ANO6: variants seen among roughly 807,000 people sequenced by gnomAD.
ANO6 encodes anoctamin 6.
In ANO6, 106 loss-of-function variants were observed where a neutral mutation model predicts 117.5. That is an observed-to-expected ratio of 0.90 (90% CI 0.77 to 1.06). The LOEUF (loss-of-function observed/expected upper bound fraction) is 1.06, where lower values mean the gene tolerates loss of function less well. Among genes scored for constraint, ANO6 ranks in the 50% least tolerant of loss-of-function variants. The probability of loss-of-function intolerance (pLI) is 0.00; values close to 1 mark genes in which losing one functional copy is unlikely to be tolerated. For synonymous variants in ANO6, 367 were observed against 385.1 expected (o/e 0.95, Z 0.55); for missense variants, 955 against 1,121.1 (o/e 0.85, Z 2.12).
intron 9 of ANO6, among the ~76,000 whole-genome samples, chr12:45,372,299 C>G (rs1269784175): frequency 4.4e-5 from 6 of 135,082 alleles, no homozygotes; most frequent in African/African-American, 1.1e-4. Flanking sequence ...AGGATATTAT[C>G]CAGGAGAACT....
downstream of ANO6, among the ~76,000 whole-genome samples, chr12:45,432,974 C>T (rs1425100112): frequency 6.6e-6 from 1 of 152,174 alleles, no homozygotes; most frequent in Non-Finnish European, 1.5e-5. Context: ...GTAGGTTATA[C>T]TAACAAAGTC....
intron 2 of ANO6, among the ~76,000 whole-genome samples, chr12:45,319,155 G>A (rs182154664): frequency 2.6e-5 from 4 of 152,232 alleles, no homozygotes; most frequent in Admixed American, 1.3e-4. Context: ...ACACTATGTC[G>A]AATAGGAGTG....
At chr12:45,404,248 GAAC>G (rs1393825098) in intron 15 of ANO6, among the ~76,000 whole-genome samples, 1 of 152,080 alleles carries the variant, frequency 6.6e-6, no homozygotes, top group Non-Finnish European at 1.5e-5. Context: ...TAAAAAATGA[GAAC>G]AACAGAATAG....
At chr12:45,397,579 C>A in intron 12 of ANO6, among the ~76,000 whole-genome samples, 1 of 152,156 alleles carries the variant, frequency 6.6e-6, no homozygotes, top group Non-Finnish European at 1.5e-5. Flanking sequence ...AGACTTGGAA[C>A]CAACCCAAAT....
intron 3 of ANO6, among the ~76,000 whole-genome samples, chr12:45,331,823 G>A (rs555792056): frequency 3.3e-5 from 5 of 152,152 alleles, no homozygotes; most frequent in East Asian, 3.9e-4. Context: ...ATTTGCATAC[G>A]TGTTCTCCTT....
At chr12:45,274,904 C>T (rs1433947973) in intron 1 of ANO6, among the ~76,000 whole-genome samples, 1 of 149,998 alleles carries the variant, frequency 6.7e-6, no homozygotes, top group Non-Finnish European at 1.5e-5. Context: ...TCAGAGCTGT[C>T]ACCCCTGACT....
At chr12:45,340,839 G>A (rs1208603533) in intron 3 of ANO6, among the ~76,000 whole-genome samples, 1 of 152,118 alleles carries the variant, frequency 6.6e-6, no homozygotes, top group African/African-American at 2.4e-5. Flanking sequence ...AGAGACTTAA[G>A]CAATCTTTTC....
intron 12 of ANO6, among the ~76,000 whole-genome samples, chr12:45,399,988 G>T (rs942591600): frequency 6.6e-6 from 1 of 152,230 alleles, no homozygotes; most frequent in Non-Finnish European, 1.5e-5. Context: ...TAACAAGTTT[G>T]TAAAAGCTCT....
chr12:45,382,741 A>G (rs1942200078), intron 10 of ANO6, among the ~76,000 whole-genome samples: 1 of 152,208 alleles, frequency 6.6e-6, no homozygotes, highest in Non-Finnish European at 1.5e-5. Context: ...TAGTCTAGTG[A>G]GTGTGCATAG....
intron 1 of ANO6, among the ~76,000 whole-genome samples, chr12:45,230,590 C>T (rs758133817): frequency 2.0e-4 from 31 of 151,690 alleles, no homozygotes; most frequent in Admixed American, 3.9e-4. Context: ...CCAGTAGATG[C>T]ATTTCACAAC....
At chr12:45,319,749 G>T (rs1039639200) in intron 2 of ANO6, among the ~76,000 whole-genome samples, 1 of 152,222 alleles carries the variant, frequency 6.6e-6, no homozygotes, top group African/African-American at 2.4e-5. Flanking sequence ...TCTGGTCCTG[G>T]ACTCTTTTTG....
chr12:45,366,356 T>C (rs942697866), intron 8 of ANO6, among the ~76,000 whole-genome samples: 19 of 151,996 alleles, frequency 1.3e-4, no homozygotes, highest in African/African-American at 4.3e-4. Context: ...TTATCTACAT[T>C]TTTTTTTCTA....
chr12:45,430,564 TTATTCA>T lies in ANO6; in HGVS notation c.*1256_*1261del, dbSNP rs1943607881. 1 of 985,312 alleles carries T rather than the reference TTATTCA, an allele frequency of 1.0e-6. No individual in the cohort carries two copies. Among genetic ancestry groups the T allele is most frequent in the East Asian group, 1.1e-4 (1 of 8,834 alleles). 61.0% of individuals were successfully genotyped at this position (985,312 alleles called of 1,614,324 possible). A position where few individuals can be genotyped will look rare whatever the true frequency, so the allele number is the denominator to read the frequency against. On this transcript the variant is annotated 3_prime_UTR_variant, in exon 20 of 20. Coordinates refer to ENST00000320560, the MANE Select transcript of ANO6 (RefSeq NM_001025356.3). ...TACTAGAGACAGGAGTATACCCAGC[TTATTCA>T]TAATCAAGTAAAGAGACTCAGATTA... is the stretch of plus-strand genomic sequence containing the variant.
In ANO6 at chr12:45,255,818, G is replaced by GTTTTTTTTTTTTTTTTTTTTTTTTT. The variant is rs551517877; in HGVS notation, c.70+39447_70+39448insTTTTTTTTTTTTTTTTTTTTTTTTT. Reference sequence around the variant, plus strand: ...CTGGCCCCAGGTTTTCTCCCTGGGTGTTTTTTTTTTTTTTTTTTTTGAGAC... The same window carrying GTTTTTTTTTTTTTTTTTTTTTTTTT: ...CTGGCCCCAGGTTTTCTCCCTGGGTGTTTTTTTTTTTTTTTTTTTTTTTTTTTTTTTTTTTTTTTTTTTTTGAGAC... On this transcript the variant is annotated intron_variant, in intron 1 of 19. Coordinates refer to ENST00000320560, the MANE Select transcript of ANO6 (RefSeq NM_001025356.3). Among the ~76,000 whole-genome samples, 32 of 81,692 alleles carry GTTTTTTTTTTTTTTTTTTTTTTTTT rather than the reference G, an allele frequency of 3.9e-4. 4 individuals are homozygous for GTTTTTTTTTTTTTTTTTTTTTTTTT. The highest frequency in any genetic ancestry group is 1.3e-3 in the African/African-American group (28 of 22,238). The allele number at this position is 81,692 out of a possible 152,430, so 53.6% of individuals were successfully genotyped here.
intron 2 of ANO6, among the ~76,000 whole-genome samples, chr12:45,303,695 C>T (rs184049614): frequency 6.6e-6 from 1 of 152,232 alleles, no homozygotes; most frequent in East Asian, 1.9e-4. Flanking sequence ...TCTTGAGTAC[C>T]ACATTTTCCT....
intron 1 of ANO6, among the ~76,000 whole-genome samples, chr12:45,224,688 A>T (rs1947454917): frequency 6.6e-6 from 1 of 152,078 alleles, no homozygotes; most frequent in South Asian, 2.1e-4. Context: ...AATAAGAGTT[A>T]CTCTTACTTA....
chr12:45,344,826 A>C (rs753678796), intron 3 of ANO6, among the ~76,000 whole-genome samples: 33 of 152,232 alleles, frequency 2.2e-4, no homozygotes, highest in African/African-American at 8.0e-4. Context: ...TACTGCTTAG[A>C]TAAGAAGTAG....
chr12:45,232,560 C>G (rs1256657402), intron 1 of ANO6, among the ~76,000 whole-genome samples: 5 of 152,170 alleles, frequency 3.3e-5, no homozygotes, highest in African/African-American at 1.2e-4. Context: ...AGATTATCAA[C>G]TCTTTACAAA....
At chr12:45,228,693 G>A (rs936204776) in intron 1 of ANO6, among the ~76,000 whole-genome samples, 2 of 152,134 alleles carry the variant, frequency 1.3e-5, no homozygotes, top group East Asian at 3.9e-4. Context: ...TAGTGGGAGG[G>A]CAGTATTTGG....
Sources: allele counts gnomAD v4.1 joint callset (sites outside exome capture counted in the v4.1 genomes callset), GRCh38; gene constraint gnomAD v4.1.1; transcripts MANE v1.5; gene names NCBI Gene and HGNC (gene_info 2026-07-23, HGNC 2026-07-21).